AIG1: variants seen among roughly 807,000 people sequenced by gnomAD.
The protein encoded by AIG1 is androgen induced 1.
In AIG1, 23 loss-of-function variants were observed where a neutral mutation model predicts 31.4. The ratio of observed to expected loss-of-function variants is 0.73; its 90% CI spans 0.53 to 1.04. The LOEUF is 1.04. Among genes scored for constraint, AIG1 ranks in the 50% least tolerant of loss-of-function variants. AIG1 has a pLI of 0.00. For synonymous variants in AIG1, 100 were observed against 110.5 expected, an observed-to-expected ratio of 0.90 and a Z score of 0.60; for missense variants, 274 against 295.0, an observed-to-expected ratio of 0.93 and a Z score of 0.52.
Position 143,165,191 on chromosome 6 carries a change from G to A in AIG1, c.399+8G>A. ...TGGCTGAATCACGGAATGGTGAGTG[G>A]ATTAAAACAAACGGCTTTCTTTTAT... On this transcript the variant is annotated splice_region_variant and intron_variant, in intron 3 of 5. Transcript: ENST00000357847. The A allele has an allele frequency of 6.3e-7, 1 of 1,595,268 alleles. No individual in the cohort carries two copies. The highest frequency in any genetic ancestry group is 1.1e-5 in the South Asian group (1 of 90,420).
Position 143,326,794 on chromosome 6 carries a change from T to C in AIG1, c.516-6488T>C, listed in dbSNP as rs9376744. On this transcript the variant is annotated intron_variant, in intron 4 of 5. Transcript: ENST00000357847. The surrounding 1 kb of genome is among the most constrained non-coding windows in gnomAD (Gnocchi z 4.5). ...CTAACAGTACAGGCAGAAAGAAGAA[T>C]ATGTGAAAACCCACATTGCAGGAGG... Among the ~76,000 whole-genome samples the C allele has an allele frequency of 0.28, 42,847 of 152,014 alleles. 6,704 individuals are homozygous for C. The highest frequency in any genetic ancestry group is 0.59 in the East Asian group (3,037 of 5,160).
chr6:143,076,156 G>A lies in AIG1; in HGVS notation c.141+15090G>A, dbSNP rs939611854. On this transcript the variant is annotated intron_variant, in intron 1 of 5. Coordinates refer to ENST00000357847, the MANE Select transcript of AIG1 (RefSeq NM_016108.4). ...GGGTCTCTCATTAACTGAGAAAGGA[G>A]AATCGAAGTCTCTAAGTATAATTGT... Among the ~76,000 whole-genome samples, 67 of 152,218 alleles carry A rather than the reference G, an allele frequency of 4.4e-4. 1 individual carries two copies. Among genetic ancestry groups the A allele is most frequent in the African/African-American group, 1.6e-3 (67 of 41,460 alleles).
chr6:143,091,673 G>A (rs1212838195), intron 1 of AIG1, among the ~76,000 whole-genome samples: 2 of 152,150 alleles, frequency 1.3e-5, no homozygotes, highest in African/African-American at 2.4e-5. Context: ...CATCTTAATA[G>A]CCATAGCTAT....
chr6:143,304,155 A>G (rs1242602635), intron 4 of AIG1, among the ~76,000 whole-genome samples: 1 of 152,078 alleles, frequency 6.6e-6, no homozygotes, highest in Non-Finnish European at 1.5e-5. Flanking sequence ...TAAATTTACA[A>G]TCATGTCATC....
At chr6:143,142,641 C>T (rs1375575924) in intron 2 of AIG1, among the ~76,000 whole-genome samples, 13 of 152,090 alleles carry the variant, frequency 8.5e-5, no homozygotes, top group Non-Finnish European at 2.9e-5. Flanking sequence ...CTGGCATGTG[C>T]CTGTATTAAC....
chr6:143,304,437 C>T lies in AIG1; in HGVS notation c.515+20212C>T, dbSNP rs570883185. Among the ~76,000 whole-genome samples, 81 of 151,902 alleles carry T rather than the reference C, an allele frequency of 5.3e-4. 1 individual carries two copies. The Middle Eastern group carries it at 0.027, about 51-fold the overall frequency. On this transcript the variant is annotated intron_variant, in intron 4 of 5. Transcript: ENST00000357847. ...TTTATTGAGAGTTTTTAGCATGAAG[C>T]GTTGTTGAATTTTGTCAAAGGCCTT...
chr6:143,194,705 C>A (rs755280730), intron 3 of AIG1, among the ~76,000 whole-genome samples: 1 of 152,184 alleles, frequency 6.6e-6, no homozygotes, highest in Non-Finnish European at 1.5e-5. Flanking sequence ...AACCCCAGTA[C>A]CCCTGGAGAA....
At chr6:143,153,027 G>A (rs1785384638) in intron 2 of AIG1, among the ~76,000 whole-genome samples, 2 of 152,250 alleles carry the variant, frequency 1.3e-5, no homozygotes, top group Admixed American at 6.5e-5. Context: ...TAAAGTCACG[G>A]GATGACACAG....
chr6:143,087,864 C>G lies in AIG1; in HGVS notation c.141+26798C>G, dbSNP rs78595807. ...GATAGAATAGATAGAAAAATAATGG[C>G]AATGATCACTCAGGGTGTGTAAACC... On this transcript the variant is annotated intron_variant, in intron 1 of 5. Coordinates refer to ENST00000357847, the MANE Select transcript of AIG1 (RefSeq NM_016108.4). 2.9e-3 allele frequency among the ~76,000 whole-genome samples: 441 copies of G among 152,284 alleles called. 10 individuals are homozygous for G. The East Asian group carries it at 0.052, about 18-fold the overall frequency.
At chr6:143,274,647 G>T (rs1434377646) in intron 3 of AIG1, among the ~76,000 whole-genome samples, 3 of 151,294 alleles carry the variant, frequency 2.0e-5, no homozygotes, top group Non-Finnish European at 4.4e-5. Context: ...GATGACTGGT[G>T]TATAGTAGGA....
At chr6:143,151,053 C>T (rs781152040) in intron 2 of AIG1, among the ~76,000 whole-genome samples, 11 of 152,166 alleles carry the variant, frequency 7.2e-5, no homozygotes, top group African/African-American at 2.7e-4. Flanking sequence ...CAGTATATGT[C>T]TATCTTTGAG....
At chr6:143,073,758 A>G (rs1777496603) in intron 1 of AIG1, among the ~76,000 whole-genome samples, 2 of 152,216 alleles carry the variant, frequency 1.3e-5, no homozygotes, top group Admixed American at 1.3e-4. Context: ...GTGAAGTGGA[A>G]GCTTGTATGT....
At chr6:143,114,837 C>T (rs1231312987) in intron 1 of AIG1, among the ~76,000 whole-genome samples, 1 of 152,180 alleles carries the variant, frequency 6.6e-6, no homozygotes, top group Non-Finnish European at 1.5e-5. Flanking sequence ...ATATGCTTTT[C>T]TGTGCCTCTA....
rs115967249 is a variant in AIG1, at chr6:143,235,033, G to T, written c.400-49077G>T. 3.7e-3 allele frequency among the ~76,000 whole-genome samples: 561 copies of T among 152,278 alleles called. 5 individuals are homozygous for T. The highest frequency in any genetic ancestry group is 0.013 in the African/African-American group (537 of 41,558). ...ACTACATAGCCCTGCATGCATGCAT[G>T]TATTTATTCATTCATTCATCTGTCA... On this transcript the variant is annotated intron_variant, in intron 3 of 5. Coordinates refer to ENST00000357847, the MANE Select transcript of AIG1 (RefSeq NM_016108.4).
At chr6:143,137,096 A>T in intron 2 of AIG1, 106 bp downstream of exon 2, 1 of 1,204,458 alleles carries the variant, frequency 8.3e-7, no homozygotes, top group Non-Finnish European at 1.1e-6. Flanking sequence ...CTGTATTATT[A>T]GTTTGCTGGA....
chr6:143,146,778 C>T (rs1012782064), intron 2 of AIG1, among the ~76,000 whole-genome samples: 3 of 152,158 alleles, frequency 2.0e-5, no homozygotes, highest in Admixed American at 2.0e-4. Flanking sequence ...GGACCTTCCA[C>T]CTACACAAAA....
intron 3 of AIG1, chr6:143,190,017 C>A: frequency 2.2e-6 from 1 of 457,838 alleles, no homozygotes; most frequent in Non-Finnish European, 2.9e-6. Flanking sequence ...GTGGAAGGAA[C>A]AAGTAATCTC....
chr6:143,278,464 CT>C lies in AIG1; in HGVS notation c.400-5630del, dbSNP rs1008735692. Among the ~76,000 whole-genome samples the C allele has an allele frequency of 3.6e-3, 494 of 135,856 alleles. 1 individual carries two copies. The highest frequency in any genetic ancestry group is 7.8e-3 in the African/African-American group (292 of 37,298). The allele number at this position is 135,856 out of a possible 152,430, so 89.1% of individuals were successfully genotyped here. ...CATGCCAGTATATCTTTTTTCTTTT[CT>C]TTTTTTTTTTTTTTTCTTTTTGAGA... On this transcript the variant is annotated intron_variant, in intron 3 of 5. Coordinates refer to ENST00000357847, the MANE Select transcript of AIG1 (RefSeq NM_016108.4).
chr6:143,261,624 C>T (rs9403473), intron 3 of AIG1, among the ~76,000 whole-genome samples: 1,570 of 152,250 alleles, frequency 0.01, 44 homozygotes, highest in East Asian at 0.065. Flanking sequence ...CTTACCTTTC[C>T]TCTATGCAAT....
Sources: allele counts gnomAD v4.1 joint callset (sites outside exome capture counted in the v4.1 genomes callset), GRCh38; gene constraint gnomAD v4.1.1; non-coding constraint Gnocchi (gnomAD v3.1); transcripts MANE v1.5; gene names NCBI Gene and HGNC (gene_info 2026-07-23, HGNC 2026-07-21).